The following PTPN13 variants were observed in gnomAD, a reference collection of about 807,000 sequenced individuals.
The protein encoded by PTPN13 is protein tyrosine phosphatase non-receptor type 13, also known as tyrosine-protein phosphatase non-receptor type 13.
Under a neutral mutation model 284.0 loss-of-function variants are expected in PTPN13, and 191 were observed. The ratio of observed to expected loss-of-function variants is 0.67; its 90% CI spans 0.60 to 0.76. PTPN13 has a LOEUF of 0.76. Ranked by LOEUF, PTPN13 falls within the 30% of genes least tolerant of loss-of-function variation. PTPN13 has a pLI of 0.00. For missense variants in PTPN13, 2,797 were observed against 2,939.9 expected (o/e 0.95, Z 1.12); for synonymous variants, 986 against 1,022.3 (o/e 0.96, Z 0.68).
intron 41 of PTPN13, among the ~76,000 whole-genome samples, chr4:86,797,800 C>T (rs537284301): frequency 6.6e-6 from 1 of 151,626 alleles, no homozygotes; most frequent in Non-Finnish European, 1.5e-5. Context: ...TGTTTTAAAA[C>T]CCATAAAAAT....
rs774953003 is a variant in PTPN13 at position 86,750,978 on chromosome 4, TA to T, written c.3069-48del. Reference sequence around the variant, plus strand: ...TTATGACATTTTATTATTTTCACCATATTTTTTTACATTAACACTTCCCTCC... The same window carrying T: ...TTATGACATTTTATTATTTTCACCATTTTTTTTACATTAACACTTCCCTCC... On this transcript the variant is annotated intron_variant, in intron 18 of 47. Coordinates refer to ENST00000411767, the MANE Select transcript of PTPN13 (RefSeq NM_080683.3). 8.5e-4 allele frequency: 1,335 copies of T among 1,561,694 alleles called. 14 individuals are homozygous for T. Among genetic ancestry groups the T allele is most frequent in the East Asian group, 1.2e-3 (55 of 44,248 alleles).
At chr4:86,721,649 G>A (rs1733657458) in intron 9 of PTPN13, among the ~76,000 whole-genome samples, 1 of 151,682 alleles carries the variant, frequency 6.6e-6, no homozygotes, top group Admixed American at 6.6e-5. Flanking sequence ...AGGAACTGGG[G>A]ACAAAGATCA....
intron 1 of PTPN13, among the ~76,000 whole-genome samples, chr4:86,628,264 A>G (rs1033231683): frequency 7.9e-5 from 12 of 151,946 alleles, no homozygotes; most frequent in Non-Finnish European, 1.2e-4. Context: ...TTAATTTTAG[A>G]TATCCTCATA....
intron 39 of PTPN13, among the ~76,000 whole-genome samples, chr4:86,785,626 T>C (rs1184721634): frequency 2.6e-5 from 4 of 152,162 alleles, no homozygotes; most frequent in African/African-American, 9.6e-5. Flanking sequence ...AGTCCAAACA[T>C]TTTCCCCCAG....
At position 86,594,730 on chromosome 4, in the gene PTPN13, C is replaced by A. The variant is rs1051644481; in HGVS notation, c.-65C>A. 1.3e-5 allele frequency: 2 copies of A among 152,430 alleles called. No homozygotes were observed. The highest frequency in any genetic ancestry group is 1.9e-4 in the East Asian group (1 of 5,186). 9.4% of individuals were successfully genotyped at this position (152,430 alleles called of 1,614,324 possible). A position where few individuals can be genotyped will look rare whatever the true frequency, so the allele number is the denominator to read the frequency against. On this transcript the variant is annotated 5_prime_UTR_variant, in exon 1 of 48. Transcript: ENST00000411767. ...GGCTGCCGGCGGCCCGCCCCGACGC[C>A]GCGTCCCTGCAGCCCTCGCCCGGCG... is the stretch of plus-strand genomic sequence containing the variant.
At chr4:86,742,755 A>C (rs552609410) in intron 16 of PTPN13, among the ~76,000 whole-genome samples, 18 of 152,316 alleles carry the variant, frequency 1.2e-4, no homozygotes, top group African/African-American at 4.1e-4. Context: ...ACCTTCCCCC[A>C]GTGGAAATGC....
intron 2 of PTPN13, among the ~76,000 whole-genome samples, chr4:86,647,549 T>A (rs992226206): frequency 4.6e-5 from 7 of 152,012 alleles, no homozygotes; most frequent in East Asian, 3.9e-4. Context: ...AGAAAAATTT[T>A]AAAAATTTTA....
intron 7 of PTPN13, among the ~76,000 whole-genome samples, chr4:86,711,987 A>G (rs959497102): frequency 1.3e-5 from 2 of 152,224 alleles, no homozygotes; most frequent in Non-Finnish European, 1.5e-5. Context: ...GTTTAAAAAA[A>G]TAGTCTGATA....
At chr4:86,730,392 A>G (rs995514907) in intron 10 of PTPN13, among the ~76,000 whole-genome samples, 1 of 149,764 alleles carries the variant, frequency 6.7e-6, no homozygotes. Flanking sequence ...CCTTTTGTTC[A>G]GCTATGCCCT....
intron 1 of PTPN13, among the ~76,000 whole-genome samples, chr4:86,600,432 CTTTTTTTTTTT>C (rs10588960): frequency 2.0e-5 from 1 of 50,414 alleles, no homozygotes; most frequent in Non-Finnish European, 3.6e-5. Context: ...TACATAACCA[CTTTTTTTTTTT>C]TTTTTTTTTT....
chr4:86,786,994 C>T (rs1482451984), intron 40 of PTPN13, among the ~76,000 whole-genome samples: 2 of 151,640 alleles, frequency 1.3e-5, no homozygotes, highest in African/African-American at 4.8e-5. Context: ...ATTCCCAGCC[C>T]CTCGGGAGGC....
At position 86,808,776 on chromosome 4, in the gene PTPN13, CA is replaced by C. The variant is rs528154976; in HGVS notation, c.7083+880del. On this transcript the variant is annotated intron_variant, in intron 45 of 47. Transcript: ENST00000411767. ...TATAGAGATTTGGCAGTCAACAACACAGACAAAAAATATTTCTAACCTCATG... is the reference window on the plus strand; with the variant it reads ...TATAGAGATTTGGCAGTCAACAACACGACAAAAAATATTTCTAACCTCATG... Among the ~76,000 whole-genome samples, 11 of 152,174 alleles carry C rather than the reference CA, an allele frequency of 7.2e-5. 1 individual carries two copies. The South Asian group carries it at 2.3e-3, about 32-fold the overall frequency.
chr4:86,679,563 C>A (rs1050670303), intron 3 of PTPN13, among the ~76,000 whole-genome samples: 1 of 152,198 alleles, frequency 6.6e-6, no homozygotes. Flanking sequence ...TCAGGTGATT[C>A]TGATGCATAA....
rs186696798 is a variant in PTPN13 at position 86,800,273 on chromosome 4, G to A, written c.6505+1069G>A. Among the ~76,000 whole-genome samples the A allele has an allele frequency of 1.8e-3, 272 of 151,560 alleles. 1 individual carries two copies. The highest frequency in any genetic ancestry group is 5.9e-3 in the African/African-American group (245 of 41,320). ...TGAAATTCTATCCAGTGTTTAATTC[G>A]TCTTATTTTATATCAGGAAGTGTCA... On this transcript the variant is annotated intron_variant, in intron 42 of 47. Transcript: ENST00000411767.
At chr4:86,810,032 TG>T in intron 46 of PTPN13, 48 bp downstream of exon 46, 1 of 1,478,608 alleles carries the variant, frequency 6.8e-7, no homozygotes, top group East Asian at 2.3e-5. Flanking sequence ...GAAATAATGA[TG>T]GAGTCTAATT....
intron 5 of PTPN13, among the ~76,000 whole-genome samples, chr4:86,691,978 GAATAAT>G (rs758344725): frequency 1.3e-5 from 2 of 152,070 alleles, no homozygotes; most frequent in African/African-American, 4.8e-5. Flanking sequence ...TGCAAAATAG[GAATAAT>G]AATAATATGT....
intron 1 of PTPN13, among the ~76,000 whole-genome samples, chr4:86,615,024 A>G (rs535166533): frequency 6.6e-6 from 1 of 152,256 alleles, no homozygotes; most frequent in South Asian, 2.1e-4. Context: ...CATATATTAT[A>G]GTACACAATT....
intron 20 of PTPN13, 137 bp downstream of exon 20, chr4:86,753,202 A>G (rs538235331): frequency 3.6e-5 from 19 of 534,400 alleles, no homozygotes; most frequent in African/African-American, 3.1e-4. Context: ...GGAGAGTTGT[A>G]TTTTTCAGCA....
chr4:86,597,437 A>G (rs1210836967), intron 1 of PTPN13, among the ~76,000 whole-genome samples: 5 of 152,126 alleles, frequency 3.3e-5, no homozygotes, highest in South Asian at 2.1e-4. Flanking sequence ...AATAGAGACA[A>G]TGTCTCGCTG....
Sources: allele counts gnomAD v4.1 joint callset (sites outside exome capture counted in the v4.1 genomes callset), GRCh38; gene constraint gnomAD v4.1.1; transcripts MANE v1.5; gene names NCBI Gene and HGNC (gene_info 2026-07-23, HGNC 2026-07-21).